The following NDUFA5 variants were observed in gnomAD, a reference collection of about 807,000 sequenced individuals.
The protein encoded by NDUFA5 is NADH:ubiquinone oxidoreductase subunit A5, also known as NADH dehydrogenase [ubiquinone] 1 alpha subcomplex subunit 5.
A neutral mutation model predicts 19.8 loss-of-function variants in NDUFA5; 11 were observed. That is an observed-to-expected ratio of 0.56 (90% confidence interval 0.35 to 0.92). The LOEUF (loss-of-function observed/expected upper bound fraction) is 0.92, where lower values mean the gene tolerates loss of function less well. Among genes scored for constraint, NDUFA5 ranks in the 40% least tolerant of loss-of-function variants. NDUFA5 has a pLI of 0.01. For missense variants in NDUFA5, 109 were observed against 134.2 expected (o/e 0.81, Z 0.93); for synonymous variants, 47 against 46.8 (o/e 1.00, Z -0.01).
upstream of NDUFA5, among the ~76,000 whole-genome samples, chr7:123,559,329 C>A (rs75548975): frequency 6.7e-6 from 1 of 149,018 alleles, no homozygotes; most frequent in Non-Finnish European, 1.5e-5. Context: ...AAAAAAAAAC[C>A]TATCCAGAAG....
chr7:123,595,187 A>G, the NDUFA5 span, among the ~76,000 whole-genome samples: 1 of 152,164 alleles, frequency 6.6e-6, no homozygotes, highest in Non-Finnish European at 1.5e-5. Flanking sequence ...GTTTAAAAAT[A>G]AGCCAGATTA....
chr7:123,557,672 C>A, intron 1 of NDUFA5, 103 bp downstream of exon 1: 1 of 1,614,002 alleles, frequency 6.2e-7, no homozygotes, highest in African/African-American at 1.3e-5. Flanking sequence ...AAAAGCACCG[C>A]CGAGCCCGCG....
chr7:123,599,397 G>T, the NDUFA5 span, among the ~76,000 whole-genome samples: 1 of 152,210 alleles, frequency 6.6e-6, no homozygotes, highest in African/African-American at 2.4e-5. Context: ...GAATGGGCTG[G>T]ATCAGAAAGG....
chr7:123,570,815 T>C, the NDUFA5 span, among the ~76,000 whole-genome samples: 25 of 152,206 alleles, frequency 1.6e-4, no homozygotes, highest in Non-Finnish European at 2.6e-4. Context: ...ACTGCATTTA[T>C]ATAGTTCTTT....
the NDUFA5 span, among the ~76,000 whole-genome samples, chr7:123,572,752 TTAAG>T: frequency 1.6e-4 from 24 of 152,196 alleles, no homozygotes; most frequent in African/African-American, 5.5e-4. Flanking sequence ...TGTGTGTACT[TTAAG>T]TAGTATATAT....
chr7:123,570,602 C>T, the NDUFA5 span, among the ~76,000 whole-genome samples: 3 of 152,186 alleles, frequency 2.0e-5, no homozygotes, highest in African/African-American at 7.2e-5. Context: ...CTTACCTCTA[C>T]CCTTAGGCTT....
chr7:123,584,174 CTT>C, the NDUFA5 span, among the ~76,000 whole-genome samples: 2 of 151,794 alleles, frequency 1.3e-5, no homozygotes, highest in Admixed American at 1.3e-4. Flanking sequence ...TCTTGTTAGA[CTT>C]TGATAGGTAT....
At chr7:123,557,273 C>T (rs755772537) in intron 2 of NDUFA5, 131 bp downstream of exon 2, 7 of 1,313,212 alleles carry the variant, frequency 5.3e-6, no homozygotes, top group Non-Finnish European at 1.1e-6. Flanking sequence ...GCGCCCGTGT[C>T]TCAAGAGCTC....
Position 123,540,338 on chromosome 7 carries a change from AG to A in NDUFA5, c.*1780del, listed in dbSNP as rs1464479848. 6.6e-6 allele frequency: 1 copy of A among 152,200 alleles called. No homozygotes were observed. The highest frequency in any genetic ancestry group is 6.5e-5 in the Admixed American group (1 of 15,276). The allele number at this position is 152,200 out of a possible 1,614,324, so 9.4% of individuals were successfully genotyped here. A position where few individuals can be genotyped will look rare whatever the true frequency, so the allele number is the denominator to read the frequency against. ...GCAAACACCAGTAAGGTCCCCTTTT[AG>A]CAAAAAAGTTCAGTAACACTGTTGG... is the stretch of plus-strand genomic sequence containing the variant. On this transcript the variant is annotated 3_prime_UTR_variant, in exon 5 of 5. Transcript: ENST00000355749.
upstream of NDUFA5, among the ~76,000 whole-genome samples, chr7:123,559,168 A>T (rs1484902679): frequency 6.6e-6 from 1 of 152,090 alleles, no homozygotes; most frequent in Admixed American, 6.5e-5. Flanking sequence ...AATAAGAAGG[A>T]ATACTATGAA....
At chr7:123,576,328 A>C in the NDUFA5 span, among the ~76,000 whole-genome samples, 8 of 151,198 alleles carry the variant, frequency 5.3e-5, no homozygotes, top group Admixed American at 5.3e-4. Context: ...TTTATATATG[A>C]AGTTGTGTTT....
chr7:123,558,644 A>G (rs1798642477), upstream of NDUFA5, among the ~76,000 whole-genome samples: 1 of 152,248 alleles, frequency 6.6e-6, no homozygotes, highest in South Asian at 2.1e-4. Flanking sequence ...AAACACAAGT[A>G]CAAAGGAAAA....
At chr7:123,559,336 G>A (rs1798656031), upstream of NDUFA5, among the ~76,000 whole-genome samples, 2 of 149,050 alleles carry the variant, frequency 1.3e-5, no homozygotes, top group Non-Finnish European at 3.0e-5. Context: ...AACCTATCCA[G>A]AAGGAAAAGC....
intron 3 of NDUFA5, among the ~76,000 whole-genome samples, chr7:123,548,570 T>A (rs986085597): frequency 6.6e-6 from 1 of 152,058 alleles, no homozygotes; most frequent in African/African-American, 2.4e-5. Flanking sequence ...AAAATAAAAA[T>A]GCAAGGAATC....
the NDUFA5 span, among the ~76,000 whole-genome samples, chr7:123,587,975 G>C: frequency 6.6e-6 from 1 of 151,732 alleles, no homozygotes; most frequent in Non-Finnish European, 1.5e-5. Context: ...ATGTTCATCA[G>C]GGATATTGCC....
chr7:123,557,270 T>A (rs965264336), intron 2 of NDUFA5, 134 bp downstream of exon 2: 1 of 1,254,994 alleles, frequency 8.0e-7, no homozygotes, highest in Non-Finnish European at 1.1e-6. Flanking sequence ...ACAGCGCCCG[T>A]GTCTCAAGAG....
At chr7:123,563,663 C>A in the NDUFA5 span, among the ~76,000 whole-genome samples, 5 of 152,188 alleles carry the variant, frequency 3.3e-5, no homozygotes, top group Non-Finnish European at 7.3e-5. Context: ...TTGCCACAAA[C>A]TTTAAATTTG....
the NDUFA5 span, among the ~76,000 whole-genome samples, chr7:123,568,350 TAA>T: frequency 3.5e-5 from 5 of 142,978 alleles, no homozygotes; most frequent in Non-Finnish European, 3.1e-5. Context: ...CCATCTCTAC[TAA>T]AAAAAAAAAA....
At chr7:123,551,607 T>C in intron 2 of NDUFA5, 1 of 584,964 alleles carries the variant, frequency 1.7e-6, no homozygotes, top group Non-Finnish European at 2.2e-6. Context: ...AATCATTACA[T>C]CTGTATGATC....
Sources: gnomAD v4.1 joint callset for allele counts (sites outside exome capture counted in the v4.1 genomes callset) on GRCh38, gnomAD v4.1.1 for gene constraint, MANE v1.5 for transcripts, NCBI Gene and HGNC (gene_info 2026-07-23, HGNC 2026-07-21) for gene names.